Variants in LIPA observed in about 807,000 individuals in gnomAD.
LIPA encodes lipase A, lysosomal acid type, also known as lysosomal acid lipase/cholesteryl ester hydrolase.
A neutral mutation model predicts 40.6 loss-of-function variants in LIPA; 26 were observed. The ratio of observed to expected loss-of-function variants is 0.64; its 90% CI spans 0.47 to 0.89. The LOEUF (loss-of-function observed/expected upper bound fraction) is 0.89, where lower values mean the gene tolerates loss of function less well. LIPA is among the 40% of genes least tolerant of loss of function. The pLI is 0.00. For synonymous variants in LIPA, 188 were observed against 168.4 expected, an observed-to-expected ratio of 1.12 and a Z score of -0.90; for missense variants, 455 against 479.6, an observed-to-expected ratio of 0.95 and a Z score of 0.48.
At chr10:89,240,770 C>T (rs1489326800) in intron 3 of LIPA, among the ~76,000 whole-genome samples, 1 of 152,106 alleles carries the variant, frequency 6.6e-6, no homozygotes, top group Non-Finnish European at 1.5e-5. Flanking sequence ...AAGTTGTGTT[C>T]GTGGACTCCT....
intron 1 of LIPA, among the ~76,000 whole-genome samples, chr10:89,413,348 G>A (rs533077381): frequency 6.6e-6 from 1 of 152,264 alleles, no homozygotes; most frequent in Admixed American, 6.5e-5. Flanking sequence ...AGAAGTGATT[G>A]CTTTAAATGA....
In LIPA at chr10:89,288,645, G is replaced by C. The variant is rs113930109; in HGVS notation, c.-1-40996C>G. ...CTGTTCCTCATCCTGATCACACTTG[G>C]TTTATTGATGGCAGTTCCACCAGGC... On this transcript the variant is annotated intron_variant, in intron 1 of 5. Transcript: ENST00000282673. Among the ~76,000 whole-genome samples the C allele has an allele frequency of 6.0e-3, 911 of 152,036 alleles. 4 individuals are homozygous for C. Among genetic ancestry groups the C allele is most frequent in the Admixed American group, 0.01 (159 of 15,262 alleles).
chr10:89,402,464 C>T (rs201864858), intron 2 of LIPA: 3 of 1,614,052 alleles, frequency 1.9e-6, no homozygotes, highest in African/African-American at 2.7e-5. Flanking sequence ...ATGTGAAACA[C>T]CTGAAAGGCC....
intron 2 of LIPA, among the ~76,000 whole-genome samples, chr10:89,358,131 C>A (rs1170847666): frequency 1.3e-5 from 2 of 152,160 alleles, no homozygotes; most frequent in Non-Finnish European, 2.9e-5. Context: ...AGGACAGAGA[C>A]CACTTTCTAT....
intron 2 of LIPA, among the ~76,000 whole-genome samples, chr10:89,355,274 C>A (rs1330521531): frequency 6.6e-6 from 1 of 152,142 alleles, no homozygotes; most frequent in Non-Finnish European, 1.5e-5. Flanking sequence ...AGCCTATTAC[C>A]ATTTAAACTA....
chr10:89,366,361 G>A (rs1319607111), intron 2 of LIPA, among the ~76,000 whole-genome samples: 1 of 152,068 alleles, frequency 6.6e-6, no homozygotes, highest in Non-Finnish European at 1.5e-5. Context: ...AGACCATGGG[G>A]TTTTCTAAAT....
intron 1 of LIPA, among the ~76,000 whole-genome samples, chr10:89,296,007 G>A (rs1843412373): frequency 6.6e-6 from 1 of 152,140 alleles, no homozygotes. Context: ...CAGTGACCAT[G>A]GCAAAACCTT....
At chr10:89,298,261 C>G (rs1339651979) in intron 1 of LIPA, among the ~76,000 whole-genome samples, 1 of 152,190 alleles carries the variant, frequency 6.6e-6, no homozygotes, top group Non-Finnish European at 1.5e-5. Flanking sequence ...GTATGTTGTT[C>G]TGGGGCCGAA....
chr10:89,387,097 A>C (rs557514831), intron 2 of LIPA, among the ~76,000 whole-genome samples: 1 of 152,114 alleles, frequency 6.6e-6, no homozygotes, highest in African/African-American at 2.4e-5. Flanking sequence ...TGGGCAGATC[A>C]TGGGGTCAGG....
intron 2 of LIPA, chr10:89,363,293 T>C (rs1016909248): frequency 3.3e-5 from 5 of 152,352 alleles, no homozygotes; most frequent in African/African-American, 1.2e-4. Flanking sequence ...AAGGCCCACA[T>C]TTGCAATGGT....
At chr10:89,408,532 A>G (rs1420909731) in intron 2 of LIPA, among the ~76,000 whole-genome samples, 1 of 152,184 alleles carries the variant, frequency 6.6e-6, no homozygotes, top group Non-Finnish European at 1.5e-5. Context: ...CCAAAGGACC[A>G]CAAAAACCCC....
intron 2 of LIPA, chr10:89,403,512 T>G (rs781471256): frequency 6.2e-7 from 1 of 1,613,192 alleles, no homozygotes. Flanking sequence ...ACAGGCATCA[T>G]TAACAAGGGA....
At chr10:89,364,919 G>T (rs954255175) in intron 2 of LIPA, among the ~76,000 whole-genome samples, 1 of 152,112 alleles carries the variant, frequency 6.6e-6, no homozygotes, top group Admixed American at 6.6e-5. Flanking sequence ...TGTGTGGGAA[G>T]CAAGAAAACT....
rs2133413699 is a variant in LIPA, at chr10:89,216,007, A to G, written c.897T>C (p.Ala299=). Residue 299 remains alanine, a splice_region_variant and synonymous_variant, in exon 9 of 10, where the codon GCT becomes GCC. Coordinates refer to ENST00000336233, the MANE Select transcript of LIPA (RefSeq NM_000235.4). ...AGGCTTGAAACTTTTGGAATTTAAC[A>G]GCCTAAAAAGAAGATAATTTGGAAA... is the stretch of plus-strand genomic sequence containing the variant. ...SVQNMLHWSQ[A]VKFQKFQAFD... is the part of the protein sequence containing the mutation. 1 of 1,602,552 alleles carries G rather than the reference A, an allele frequency of 6.2e-7. No individual in the cohort carries two copies. The highest frequency in any genetic ancestry group is 8.6e-7 in the Non-Finnish European group (1 of 1,169,442).
In LIPA at chr10:89,378,122, A is replaced by C. The variant is rs779095105; in HGVS notation, c.61+34669T>G. The C allele has an allele frequency of 6.2e-6, 10 of 1,613,822 alleles. No homozygotes were observed. The Admixed American group carries it at 1.7e-4, about 27-fold the overall frequency. On this transcript the variant is annotated intron_variant, in intron 2 of 8. Coordinates refer to the LIPA transcript ENST00000371837. Reference sequence around the variant, plus strand: ...ACCAAAGCACTACAGATCACCTGCTATCTTCATAGCACCATGAGGTAAAGT... The same window carrying C: ...ACCAAAGCACTACAGATCACCTGCTCTCTTCATAGCACCATGAGGTAAAGT...
chr10:89,260,079 C>A (rs1271684296), intron 1 of LIPA, among the ~76,000 whole-genome samples: 2 of 152,144 alleles, frequency 1.3e-5, no homozygotes, highest in African/African-American at 4.8e-5. Flanking sequence ...TAAAAAAATA[C>A]TAATAGTTAC....
At chr10:89,312,092 T>C (rs1175495697) in intron 1 of LIPA, among the ~76,000 whole-genome samples, 2 of 152,168 alleles carry the variant, frequency 1.3e-5, no homozygotes, top group Non-Finnish European at 2.9e-5. Context: ...TGACTTTGCG[T>C]CTCTGTGCAT....
intron 2 of LIPA, among the ~76,000 whole-genome samples, chr10:89,357,985 T>C (rs1843997046): frequency 6.6e-6 from 1 of 152,196 alleles, no homozygotes; most frequent in Non-Finnish European, 1.5e-5. Flanking sequence ...TTATACTGAC[T>C]GACTTGCTAG....
At position 89,298,916 on chromosome 10, in the gene LIPA, G is replaced by C. The variant is rs577145596; in HGVS notation, c.-2+43695C>G. ...GAGAATCACTTGAACCAGGGAGGCAGAGGTTGCAGTGAGCAGAGATCGCAC... is the reference window on the plus strand; with the variant it reads ...GAGAATCACTTGAACCAGGGAGGCACAGGTTGCAGTGAGCAGAGATCGCAC... On this transcript the variant is annotated intron_variant, in intron 1 of 5. Coordinates refer to the LIPA transcript ENST00000282673. Among the ~76,000 whole-genome samples the C allele has an allele frequency of 7.9e-5, 12 of 152,140 alleles. No individual in the cohort carries two copies. The East Asian group carries it at 1.2e-3, about 15-fold the overall frequency.
Sources: allele counts gnomAD v4.1 joint callset (sites outside exome capture counted in the v4.1 genomes callset), GRCh38; gene constraint gnomAD v4.1.1; transcripts MANE v1.5; gene names NCBI Gene and HGNC (gene_info 2026-07-23, HGNC 2026-07-21).